Variants in MRPL39 observed in about 807,000 individuals in gnomAD.
The protein encoded by MRPL39 is mitochondrial ribosomal protein L39.
MRPL39 carries 35 observed loss-of-function variants against 44.5 expected under a neutral mutation model. The observed-to-expected ratio is 0.79, with a 90% CI of 0.60 to 1.04. The LOEUF (loss-of-function observed/expected upper bound fraction) is 1.04. Ranked by LOEUF, MRPL39 falls within the 50% of genes least tolerant of loss-of-function variation. MRPL39 has a pLI of 0.00. For missense variants in MRPL39, 433 were observed against 413.5 expected (o/e 1.05, Z -0.41); for synonymous variants, 139 against 136.1 (o/e 1.02, Z -0.15).
At chr21:25,606,420 C>T in intron 2 of MRPL39, 29 bp downstream of exon 2, 1 of 1,543,962 alleles carries the variant, frequency 6.5e-7, no homozygotes, top group South Asian at 1.2e-5. Context: ...GTAAAAGGGT[C>T]AAAACTGTAA....
intron 2 of MRPL39, among the ~76,000 whole-genome samples, chr21:25,605,895 T>G (rs535477496): frequency 6.6e-6 from 1 of 152,130 alleles, no homozygotes; most frequent in African/African-American, 2.4e-5. Context: ...TAAATTAAAT[T>G]AAAGGAGAAA....
At chr21:25,602,776 T>C (rs978820055) in intron 3 of MRPL39, among the ~76,000 whole-genome samples, 2 of 152,178 alleles carry the variant, frequency 1.3e-5, no homozygotes, top group African/African-American at 4.8e-5. Flanking sequence ...AGGATTTTAA[T>C]AGAGAGAAAA....
At position 25,597,414 on chromosome 21, in the gene MRPL39, C is replaced by T; in HGVS notation, c.589G>A (p.Glu197Lys). ...SKLDEWMPTK[E>K]NLRSFTKDAH... Reference sequence around the variant, plus strand: ...TCTTTTGTGAAGGAACGTAAGTTCTCCTTAAAAATGAAAGTAATAACCTTT... The same window carrying T: ...TCTTTTGTGAAGGAACGTAAGTTCTTCTTAAAAATGAAAGTAATAACCTTT... Residue 197 changes from glutamate (E) to lysine (K), a missense_variant and splice_region_variant, in exon 6 of 10, where the codon GAG becomes AAG. Transcript: ENST00000352957. 1 of 1,508,764 alleles carries T rather than the reference C, an allele frequency of 6.6e-7. No homozygotes were observed. The highest frequency in any genetic ancestry group is 9.1e-7 in the Non-Finnish European group (1 of 1,096,730). The allele number at this position is 1,508,764 out of a possible 1,614,324, so 93.5% of individuals were successfully genotyped here.
At chr21:25,594,245 T>TTTAC (rs1568862212) in intron 6 of MRPL39, among the ~76,000 whole-genome samples, 3 of 125,432 alleles carry the variant, frequency 2.4e-5, no homozygotes, top group Admixed American at 8.4e-5. Context: ...TTTATTTCTT[T>TTTAC]GTTCTTTTTT....
chr21:25,599,903 C>A, intron 4 of MRPL39, 37 bp from the exon 5 acceptor site: 1 of 1,520,914 alleles, frequency 6.6e-7, no homozygotes, highest in Non-Finnish European at 9.1e-7. Context: ...AAAGTCAAAT[C>A]TGCCCCAACA....
rs111963068 is a variant in MRPL39, at chr21:25,599,888, A to G, written c.521-22T>C. ...ATTACTGTAAATCCAACCAAAATAA[A>G]AAGCAAAGTCAAATCTGCCCCAACA... is the stretch of plus-strand genomic sequence containing the variant. On this transcript the variant is annotated intron_variant, in intron 4 of 9. Coordinates refer to ENST00000352957, the MANE Select transcript of MRPL39 (RefSeq NM_017446.4). 2.4e-4 allele frequency: 390 copies of G among 1,594,256 alleles called. No homozygotes were observed. The African/African-American group carries it at 4.3e-3, about 18-fold the overall frequency.
At chr21:25,593,081 T>C in intron 7 of MRPL39, 116 bp from the exon 8 acceptor site, 3 of 889,560 alleles carry the variant, frequency 3.4e-6, no homozygotes, top group Non-Finnish European at 1.7e-6. Context: ...GAACATTATA[T>C]ATGGTTCAAT....
At chr21:25,593,823 G>A in intron 7 of MRPL39, 70 bp downstream of exon 7, 1 of 1,334,990 alleles carries the variant, frequency 7.5e-7, no homozygotes, top group Non-Finnish European at 1.0e-6. Context: ...TTGGTCATAT[G>A]CTTCATTCAG....
intron 7 of MRPL39, 141 bp from the exon 8 acceptor site, chr21:25,593,106 C>T (rs2031235047): frequency 3.0e-6 from 2 of 661,594 alleles, no homozygotes; most frequent in South Asian, 5.9e-5. Flanking sequence ...TTTCTAATGA[C>T]CCCTGACATA....
In MRPL39 at chr21:25,590,727, T is replaced by C. The variant is rs1209913941; in HGVS notation, c.922-1845A>G. On this transcript the variant is annotated intron_variant, in intron 8 of 9. Transcript: ENST00000352957. ...TCCCCAAACTGCTATACAGGTCTAATGGACTTATCAGAATCTCAGGAAGAC... is the reference window on the plus strand; with the variant it reads ...TCCCCAAACTGCTATACAGGTCTAACGGACTTATCAGAATCTCAGGAAGAC... Among the ~76,000 whole-genome samples the C allele has an allele frequency of 4.6e-5, 7 of 152,322 alleles. No homozygotes were observed. The South Asian group carries it at 8.3e-4, about 18-fold the overall frequency.
intron 5 of MRPL39, 131 bp from the exon 6 acceptor site, chr21:25,597,545 G>A: frequency 1.9e-6 from 1 of 526,340 alleles, no homozygotes; most frequent in Non-Finnish European, 3.3e-6. Context: ...AAATTTGTTA[G>A]AACAGAAAGT....
chr21:25,604,009 G>A (rs7278569), intron 2 of MRPL39, 74 bp from the exon 3 acceptor site: 32,705 of 1,368,844 alleles, frequency 0.024, 2,790 homozygotes, highest in African/African-American at 0.23. Flanking sequence ...GCTATATTTA[G>A]AAATATAACA....
rs74972696 is a variant in MRPL39 at position 25,601,919 on chromosome 21, G to A, written c.421-452C>T. On this transcript the variant is annotated intron_variant, in intron 3 of 9. Transcript: ENST00000352957. ...CCTCTACCTAACACCCTAACACATC[G>A]TTCAGATTACTCATATTTATAGCAG... Among the ~76,000 whole-genome samples the A allele has an allele frequency of 5.8e-3, 888 of 152,168 alleles. 4 individuals are homozygous for A. The highest frequency in any genetic ancestry group is 0.02 in the African/African-American group (844 of 41,490).
chr21:25,595,698 C>T (rs1401283903), intron 6 of MRPL39, among the ~76,000 whole-genome samples: 1 of 151,660 alleles, frequency 6.6e-6, no homozygotes, highest in Admixed American at 6.5e-5. Context: ...ATTGATTACA[C>T]TGAGTAACAT....
chr21:25,603,881 G>A lies in MRPL39; in HGVS notation c.335C>T (p.Pro112Leu). Reference protein sequence around the residue: ...KSILALVDGQPWDMYKPLTKS... With the variant: ...KSILALVDGQLWDMYKPLTKS... ...TGTTAAAGGCTTATACATGTCCCAA[G>A]GCTGTCCATCCACCAGAGCCAGAAT... The change falls in exon 3 of 10, where the codon CCT becomes CTT. Residue 112 changes from proline (P) to leucine (L), a missense_variant. Physicochemically the swap from Pro to Leu is moderately conservative, Grantham distance 98 (BLOSUM62 -3). Transcript: ENST00000352957. 6.2e-7 allele frequency: 1 copy of A among 1,612,888 alleles called. No individual in the cohort carries two copies. Among genetic ancestry groups the A allele is most frequent in the African/African-American group, 1.3e-5 (1 of 74,920 alleles).
chr21:25,603,019 TC>T lies in MRPL39; in HGVS notation c.420+776del, dbSNP rs200720507. Among the ~76,000 whole-genome samples, 1,301 of 152,300 alleles carry T rather than the reference TC, an allele frequency of 8.5e-3. 22 individuals carry two copies. Among genetic ancestry groups the T allele is most frequent in the African/African-American group, 0.028 (1,181 of 41,550 alleles). On this transcript the variant is annotated intron_variant, in intron 3 of 9. Transcript: ENST00000352957. ...TGGTTTAAAGGTGTTTAGCAGTTCT[TC>T]CCTCACTCTCTCTCTTGCCTCCATG... is the stretch of plus-strand genomic sequence containing the variant.
At chr21:25,593,020 G>A in intron 7 of MRPL39, 55 bp from the exon 8 acceptor site, 1 of 1,432,156 alleles carries the variant, frequency 7.0e-7, no homozygotes, top group Non-Finnish European at 9.4e-7. Context: ...ATTTGTAAGA[G>A]CTTGAAAAAG....
chr21:25,594,091 C>T, intron 6 of MRPL39, 133 bp from the exon 7 acceptor site: 2 of 698,864 alleles, frequency 2.9e-6, no homozygotes, highest in South Asian at 1.9e-5. Context: ...TCCCTTTAAT[C>T]TGGCCACAGC....
Position 25,590,564 on chromosome 21 carries a change from G to A in MRPL39, c.922-1682C>T, listed in dbSNP as rs566790093. ...GGCTAGGAAAGGAAGCAGGTATGTG[G>A]AGAAAAGTCAAAGTCAAATGTATAG... On this transcript the variant is annotated intron_variant, in intron 8 of 9. Coordinates refer to ENST00000352957, the MANE Select transcript of MRPL39 (RefSeq NM_017446.4). Among the ~76,000 whole-genome samples the A allele has an allele frequency of 7.9e-5, 12 of 152,240 alleles. No homozygotes were observed. In the East Asian group the frequency reaches 2.1e-3, roughly 27 times the overall value.
Sources: gnomAD v4.1 joint callset for allele counts (sites outside exome capture counted in the v4.1 genomes callset) on GRCh38, gnomAD v4.1.1 for gene constraint, MANE v1.5 for transcripts, NCBI Gene and HGNC (gene_info 2026-07-23, HGNC 2026-07-21) for gene names.